C5: variants seen among roughly 807,000 people sequenced by gnomAD.
C5 encodes the protein C3 and PZP-like alpha-2-macroglobulin domain-containing protein 4.
A neutral mutation model predicts 218.8 loss-of-function variants in C5; 140 were observed. That is an observed-to-expected ratio of 0.64 (90% CI 0.56 to 0.74). The LOEUF (loss-of-function observed/expected upper bound fraction) is 0.74, where lower values mean the gene tolerates loss of function less well. Ranked by LOEUF, C5 falls within the 30% of genes least tolerant of loss-of-function variation. C5 has a pLI of 0.00. For synonymous variants in C5, 614 were observed against 682.3 expected (o/e 0.90, Z 1.56); for missense variants, 1,700 against 1,969.6 (o/e 0.86, Z 2.59).
chr9:121,027,383 G>A (rs1455897993), intron 7 of C5, 109 bp from the exon 8 acceptor site: 2 of 692,994 alleles, frequency 2.9e-6, no homozygotes, highest in Non-Finnish European at 5.2e-6. Context: ...ACTTTAAAGT[G>A]TCTTTCATCC....
intron 38 of C5, among the ~76,000 whole-genome samples, chr9:120,959,232 ATTTCTTTCTTTCTTTC>A (rs36185563): frequency 0.11 from 16,485 of 144,762 alleles, 1,356 homozygotes; most frequent in African/African-American, 0.24. Flanking sequence ...CACCCTTCAA[ATTTCTTTCTTTCTTTC>A]TTTCTTTCTT....
chr9:120,969,084 G>A lies in C5; in HGVS notation c.4197C>T (p.Tyr1399=). 1.2e-6 allele frequency: 2 copies of A among 1,613,988 alleles called. No homozygotes were observed. The highest frequency in any genetic ancestry group is 1.7e-5 in the Admixed American group (1 of 60,034). The part of the protein sequence containing the change: ...SHYRGYGNSD[Y]KRIVACASYK... ...ACCTGGCACATGCTACTATGCGTTTGTAATCAGAGTTTCCGTAGCCTCTGT... is the reference window on the plus strand; with the variant it reads ...ACCTGGCACATGCTACTATGCGTTTATAATCAGAGTTTCCGTAGCCTCTGT... Residue 1399 remains tyrosine (Y), a synonymous_variant, in exon 33 of 41, where the codon TAC becomes TAT. Coordinates refer to ENST00000223642, the MANE Select transcript of C5 (RefSeq NM_001735.3).
intron 39 of C5, among the ~76,000 whole-genome samples, chr9:120,954,734 A>C (rs1236274942): frequency 6.6e-6 from 1 of 152,256 alleles, no homozygotes; most frequent in African/African-American, 2.4e-5. Context: ...TAAGTCCTGA[A>C]AAACTTCTGA....
rs867021942 is a variant in C5 at position 121,024,213 on chromosome 9, C to T, written c.1001-694G>A. Reference sequence around the variant, plus strand: ...CCAGTCTGGGCAACAGAGCAAGACTCGGGAGGGGAGGGAGGGAGGGGAGGG... The same window carrying T: ...CCAGTCTGGGCAACAGAGCAAGACTTGGGAGGGGAGGGAGGGAGGGGAGGG... On this transcript the variant is annotated intron_variant, in intron 9 of 40. Transcript: ENST00000223642. Among the ~76,000 whole-genome samples, 142 of 67,622 alleles carry T rather than the reference C, an allele frequency of 2.1e-3. 1 individual carries two copies. The highest frequency in any genetic ancestry group is 8.7e-3 in the African/African-American group (136 of 15,556). 44.4% of individuals were successfully genotyped at this position (67,622 alleles called of 152,430 possible).
At chr9:121,067,710 G>A in the C5 span, among the ~76,000 whole-genome samples, 1 of 152,072 alleles carries the variant, frequency 6.6e-6, no homozygotes, top group Non-Finnish European at 1.5e-5. Context: ...GTGGATCATG[G>A]GGGCAGTTTC....
the C5 span, among the ~76,000 whole-genome samples, chr9:121,060,148 C>G: frequency 6.6e-6 from 1 of 152,190 alleles, no homozygotes; most frequent in Non-Finnish European, 1.5e-5. Flanking sequence ...CCTTGCTCCT[C>G]GGTCATCAAT....
the C5 span, among the ~76,000 whole-genome samples, chr9:121,063,577 C>T: frequency 6.6e-6 from 1 of 151,840 alleles, no homozygotes; most frequent in South Asian, 2.1e-4. Flanking sequence ...TGCATCTTTG[C>T]TTGTCTTGTA....
At chr9:120,993,236 A>G (rs1300682513) in intron 22 of C5, among the ~76,000 whole-genome samples, 1 of 152,198 alleles carries the variant, frequency 6.6e-6, no homozygotes, top group Non-Finnish European at 1.5e-5. Flanking sequence ...ATATGACAGG[A>G]CTAAATGGCA....
chr9:121,014,737 A>G (rs1587979285), intron 16 of C5, among the ~76,000 whole-genome samples: 1 of 152,216 alleles, frequency 6.6e-6, no homozygotes, highest in South Asian at 2.1e-4. Flanking sequence ...ACGAATTATC[A>G]TAACCATTTA....
intron 33 of C5, among the ~76,000 whole-genome samples, chr9:120,965,519 C>G (rs868509024): frequency 7.5e-6 from 1 of 133,448 alleles, no homozygotes; most frequent in Non-Finnish European, 1.6e-5. Flanking sequence ...GACTCTGCCT[C>G]AAAAATAAAT....
intron 31 of C5, 117 bp downstream of exon 31, chr9:120,971,813 T>G (rs1588170426): frequency 9.4e-6 from 7 of 742,862 alleles, no homozygotes; most frequent in Non-Finnish European, 1.7e-5. Flanking sequence ...GAATCCCACT[T>G]TAGTCATGGT....
At chr9:121,018,780 AG>A (rs2047337936) in intron 12 of C5, among the ~76,000 whole-genome samples, 1 of 151,652 alleles carries the variant, frequency 6.6e-6, no homozygotes, top group African/African-American at 2.4e-5. Context: ...GAAGGAAGGA[AG>A]GAAGGAAGGA....
At chr9:121,044,563 C>G (rs925883409) in intron 2 of C5, among the ~76,000 whole-genome samples, 1 of 152,312 alleles carries the variant, frequency 6.6e-6, no homozygotes, top group East Asian at 1.9e-4. Flanking sequence ...AGATTTGACA[C>G]TGCAATCCAT....
At chr9:121,001,194 T>C (rs908161911) in intron 20 of C5, among the ~76,000 whole-genome samples, 3 of 152,198 alleles carry the variant, frequency 2.0e-5, no homozygotes, top group Non-Finnish European at 2.9e-5. Flanking sequence ...GTACTATATT[T>C]ACATGAATTA....
chr9:120,961,956 G>A (rs1371960043), intron 36 of C5, among the ~76,000 whole-genome samples: 1 of 152,190 alleles, frequency 6.6e-6, no homozygotes, highest in East Asian at 1.9e-4. Flanking sequence ...GAGGGACTAT[G>A]TATGTTCTAT....
In C5 at chr9:120,976,887, C is replaced by T. The variant is rs756426099; in HGVS notation, c.3677G>A (p.Arg1226His). 85 of 1,613,706 alleles carry T rather than the reference C, an allele frequency of 5.3e-5. No homozygotes were observed. Among genetic ancestry groups the T allele is most frequent in the Non-Finnish European group, 6.7e-5 (79 of 1,179,810 alleles). ...ATGCTGAAGATTGTCTTTCCAAAAACGATAAATGGGTGGATTACCTGAACA... is the reference window on the plus strand; with the variant it reads ...ATGCTGAAGATTGTCTTTCCAAAAATGATAAATGGGTGGATTACCTGAACA... ...ALVKGNPPIY[R>H]FWKDNLQHKD... Residue 1226 changes from arginine to histidine, a missense_variant, in exon 29 of 41, where the codon CGT (arginine) becomes CAT (histidine). Physicochemically the swap from Arg to His is conservative, Grantham distance 29. Coordinates refer to ENST00000223642, the MANE Select transcript of C5 (RefSeq NM_001735.3).
chr9:120,986,425 A>G (rs954067829), intron 25 of C5, among the ~76,000 whole-genome samples: 1 of 151,478 alleles, frequency 6.6e-6, no homozygotes, highest in Admixed American at 6.6e-5. Context: ...GGGTTTTGCT[A>G]ATATGAATGA....
At chr9:121,002,316 G>GTATATATATATATATATA (rs71370614) in intron 20 of C5, among the ~76,000 whole-genome samples, 14 of 87,374 alleles carry the variant, frequency 1.6e-4, no homozygotes, top group African/African-American at 6.2e-4. Flanking sequence ...ATATGTGTGT[G>GTATATATATATATATATA]TATATATATA....
intron 6 of C5, among the ~76,000 whole-genome samples, 167 bp from the exon 7 acceptor site, chr9:121,030,654 T>C (rs1338268475): frequency 6.6e-6 from 1 of 152,100 alleles, no homozygotes; most frequent in African/African-American, 2.4e-5. Flanking sequence ...CCAACAACAA[T>C]CTCTGCAGAA....
Sources: allele counts gnomAD v4.1 joint callset (sites outside exome capture counted in the v4.1 genomes callset), GRCh38; gene constraint gnomAD v4.1.1; transcripts MANE v1.5; gene names NCBI Gene and HGNC (gene_info 2026-07-23, HGNC 2026-07-21).